The following SLC6A18 variants were observed in gnomAD, a reference collection of about 807,000 sequenced individuals.
The protein encoded by SLC6A18 is inactive sodium-dependent neutral amino acid transporter B(0)AT3.
SLC6A18 carries 58 observed loss-of-function variants against 62.9 expected under a neutral mutation model. The ratio of observed to expected loss-of-function variants is 0.92; its 90% CI spans 0.75 to 1.15. The LOEUF (loss-of-function observed/expected upper bound fraction) is 1.15. SLC6A18 is among the 50% of genes most tolerant of loss of function. SLC6A18 has a pLI of 0.00. For synonymous variants in SLC6A18, 382 were observed against 365.8 expected (o/e 1.04, Z -0.51); for missense variants, 793 against 836.6 (o/e 0.95, Z 0.64).
chr5:1,229,021 G>A (rs1030977145), intron 1 of SLC6A18, among the ~76,000 whole-genome samples: 14 of 152,204 alleles, frequency 9.2e-5, no homozygotes, highest in African/African-American at 3.4e-4. Context: ...CCGTGCCCAC[G>A]CAGGCCGGGG....
intron 1 of SLC6A18, 106 bp downstream of exon 1, chr5:1,225,743 A>G: frequency 7.4e-7 from 1 of 1,357,572 alleles, no homozygotes; most frequent in Non-Finnish European, 9.9e-7. Context: ...GGGCAGAGTC[A>G]CTCCTCCTGG....
intron 1 of SLC6A18, among the ~76,000 whole-genome samples, chr5:1,228,995 G>C (rs1007742875): frequency 6.6e-6 from 1 of 152,224 alleles, no homozygotes; most frequent in South Asian, 2.1e-4. Context: ...TCAACGTAAA[G>C]ACTGCCCAGT....
rs559764951 is a variant in SLC6A18 at position 1,241,132 on chromosome 5, C to A, written c.974+473C>A. On this transcript the variant is annotated intron_variant, in intron 7 of 11. Transcript: ENST00000324642. This position sits in a 1 kb window ranked among gnomAD's most constrained non-coding sequence, Gnocchi z 7.8. ...TCCGGAACGGGAGAGGATGATTTCCCGTGGTTTTGAGGCACCATTGCTGGT... is the reference window on the plus strand; with the variant it reads ...TCCGGAACGGGAGAGGATGATTTCCAGTGGTTTTGAGGCACCATTGCTGGT... Among the ~76,000 whole-genome samples the A allele has an allele frequency of 6.6e-6, 1 of 152,172 alleles. No individual in the cohort carries two copies. Among genetic ancestry groups the A allele is most frequent in the East Asian group, 1.9e-4 (1 of 5,194 alleles).
At position 1,233,605 on chromosome 5, in the gene SLC6A18, A is replaced by G. The variant is rs544229440; in HGVS notation, c.439+717A>G. On this transcript the variant is annotated intron_variant, in intron 3 of 11. Coordinates refer to ENST00000324642, the MANE Select transcript of SLC6A18 (RefSeq NM_182632.3). Reference sequence around the variant, plus strand: ...TTCTTCTTTTTTTTTTTTTTTTGGGACAAGGTCTCCCTCTATTGCCCAGGC... The same window carrying G: ...TTCTTCTTTTTTTTTTTTTTTTGGGGCAAGGTCTCCCTCTATTGCCCAGGC... 1.5e-3 allele frequency among the ~76,000 whole-genome samples: 202 copies of G among 131,740 alleles called. 1 individual carries two copies. Among genetic ancestry groups the G allele is most frequent in the Non-Finnish European group, 2.3e-3 (140 of 61,824 alleles). The allele number at this position is 131,740 out of a possible 152,430, so 86.4% of individuals were successfully genotyped here. A position where few individuals can be genotyped will look rare whatever the true frequency, so the allele number is the denominator to read the frequency against.
In SLC6A18 at chr5:1,246,099, G is replaced by A; in HGVS notation, c.*21G>A. ...GCTGAAGCCGGCCGGAGCGGGGCCT[G>A]CATGGGCGGGTCTGTGGGGGGGCTT... is the stretch of plus-strand genomic sequence containing the variant. On this transcript the variant is annotated 3_prime_UTR_variant, in exon 12 of 12. Transcript: ENST00000324642. The A allele has an allele frequency of 6.5e-7, 1 of 1,543,206 alleles. No homozygotes were observed. Among genetic ancestry groups the A allele is most frequent in the Non-Finnish European group, 8.7e-7 (1 of 1,150,276 alleles).
At chr5:1,235,128 C>T (rs567136048) in intron 3 of SLC6A18, among the ~76,000 whole-genome samples, 112 of 152,348 alleles carry the variant, frequency 7.4e-4, no homozygotes, top group South Asian at 1.2e-3. Flanking sequence ...AGCCGCTCTC[C>T]GTCCAGTGCT....
At chr5:1,242,030 C>T (rs936110714) in intron 7 of SLC6A18, among the ~76,000 whole-genome samples, 2 of 144,240 alleles carry the variant, frequency 1.4e-5, no homozygotes, top group African/African-American at 5.2e-5. Context: ...TGTGCTTGAA[C>T]CTTAAGCCCT....
At chr5:1,236,008 G>A (rs1746875191) in intron 4 of SLC6A18, among the ~76,000 whole-genome samples, 1 of 152,186 alleles carries the variant, frequency 6.6e-6, no homozygotes, top group Non-Finnish European at 1.5e-5. Flanking sequence ...GGATCTGGCT[G>A]TTTTAACCAA....
rs199723497 is a variant in SLC6A18, at chr5:1,243,653, G to C, written c.1230G>C (p.Leu410=). The part of the protein sequence containing the change: ...PVWAMLFFGM[L]FTLGLSTMFG... The stretch of plus-strand genomic sequence containing the variant: ...GGGCCATGCTCTTCTTCGGGATGCT[G>C]TTCACCTTGGGGCTATCGACCATGT... Residue 410 remains leucine (L), a synonymous_variant, in exon 9 of 12, where the codon CTG becomes CTC. Transcript: ENST00000324642. The surrounding 1 kb of genome is among the most constrained non-coding windows in gnomAD (Gnocchi z 6.5). The C allele has an allele frequency of 6.2e-7, 1 of 1,614,106 alleles. No homozygotes were observed.
In SLC6A18 at chr5:1,232,823, ACCT is replaced by A; in HGVS notation, c.379_381del (p.Leu127del). 2 of 1,612,856 alleles carry A rather than the reference ACCT, an allele frequency of 1.2e-6. No homozygotes were observed. Among genetic ancestry groups the A allele is most frequent in the Middle Eastern group, 1.6e-4 (1 of 6,062 alleles). On this transcript the variant is annotated inframe_deletion, in exon 3 of 12. Transcript: ENST00000324642. ...ACCATCGTGGCGTGGGTGCTGTGGT[ACCT>A]CCTCAACTCCTTCCAGCACCCGCTG...
chr5:1,245,475 A>G (rs1747194081), intron 11 of SLC6A18, among the ~76,000 whole-genome samples: 2 of 152,186 alleles, frequency 1.3e-5, no homozygotes, highest in South Asian at 4.1e-4. Flanking sequence ...GTATTTTTGA[A>G]GAATTTCCAC....
chr5:1,230,265 C>T (rs1001836778), intron 1 of SLC6A18, among the ~76,000 whole-genome samples: 2 of 152,140 alleles, frequency 1.3e-5, no homozygotes, highest in South Asian at 2.1e-4. Flanking sequence ...TTGGGGGTGT[C>T]CCCCCATTCA....
At chr5:1,228,550 G>A (rs866445069) in intron 1 of SLC6A18, among the ~76,000 whole-genome samples, 1 of 152,120 alleles carries the variant, frequency 6.6e-6, no homozygotes, top group East Asian at 1.9e-4. Context: ...TCGATCCTGC[G>A]TGGATCGATT....
chr5:1,239,209 C>T (rs569423685), intron 5 of SLC6A18, among the ~76,000 whole-genome samples: 53 of 152,374 alleles, frequency 3.5e-4, no homozygotes, highest in Non-Finnish European at 5.7e-4. Context: ...TTCTCATGTG[C>T]GCCTGACAGC....
At chr5:1,242,947 G>C in intron 8 of SLC6A18, 84 bp downstream of exon 8, 1 of 1,441,810 alleles carries the variant, frequency 6.9e-7, no homozygotes. Flanking sequence ...ACTGCCAAAG[G>C]CTGCAAACAA....
chr5:1,240,025 G>A (rs1180734139), intron 6 of SLC6A18, among the ~76,000 whole-genome samples: 1 of 152,218 alleles, frequency 6.6e-6, no homozygotes. Flanking sequence ...TGCCCCCTTC[G>A]GAGGCAGGCA....
At chr5:1,232,198 C>T (rs1354402475) in intron 1 of SLC6A18, 21 bp from the exon 2 acceptor site, 3 of 1,604,176 alleles carry the variant, frequency 1.9e-6, no homozygotes, top group Non-Finnish European at 2.6e-6. Context: ...TGGGCAGGTG[C>T]TGACCACCCC....
rs79812810 is a variant in SLC6A18, at chr5:1,238,431, G to A, written c.732+371G>A. Among the ~76,000 whole-genome samples, 223 of 63,568 alleles carry A rather than the reference G, an allele frequency of 3.5e-3. 3 individuals are homozygous for A. Among genetic ancestry groups the A allele is most frequent in the African/African-American group, 6.2e-3 (49 of 7,860 alleles). The allele number at this position is 63,568 out of a possible 152,430, so 41.7% of individuals were successfully genotyped here. On this transcript the variant is annotated intron_variant, in intron 5 of 11. Transcript: ENST00000324642. ...GTGGGCCTGGGGCCTCAGGAAAGAG[G>A]TCAGGTTTGGAGTGAGCTTGGGGCC... is the stretch of plus-strand genomic sequence containing the variant.
chr5:1,235,068 C>T (rs1746848916), intron 3 of SLC6A18, among the ~76,000 whole-genome samples: 1 of 152,238 alleles, frequency 6.6e-6, no homozygotes, highest in Admixed American at 6.5e-5. Flanking sequence ...CGCCTGGCCA[C>T]AGCCTCACTT....
Sources: gnomAD v4.1 joint callset for allele counts (sites outside exome capture counted in the v4.1 genomes callset) on GRCh38, gnomAD v4.1.1 for gene constraint, Gnocchi (gnomAD v3.1) non-coding constraint, MANE v1.5 for transcripts, NCBI Gene and HGNC (gene_info 2026-07-23, HGNC 2026-07-21) for gene names.